Variants in LDLRAD4 observed in about 807,000 individuals in gnomAD.
LDLRAD4 encodes the protein low-density lipoprotein receptor class A domain-containing protein 4.
Under a neutral mutation model 17.0 loss-of-function variants are expected in LDLRAD4, and 5 were observed. The observed-to-expected ratio is 0.29, with a 90% confidence interval of 0.15 to 0.62. LDLRAD4 has a LOEUF of 0.62. Among genes scored for constraint, LDLRAD4 ranks in the 20% least tolerant of loss-of-function variants. LDLRAD4 has a pLI of 0.84. For synonymous variants in LDLRAD4, 168 were observed against 171.8 expected (o/e 0.98, Z 0.17); for missense variants, 340 against 424.7 (o/e 0.80, Z 1.75).
Position 13,398,270 on chromosome 18 carries a change from T to C in LDLRAD4, c.40+10508T>C, listed in dbSNP as rs917126227. Among the ~76,000 whole-genome samples the C allele has an allele frequency of 4.6e-5, 7 of 152,274 alleles. No homozygotes were observed. Among genetic ancestry groups the C allele is most frequent in the African/African-American group, 1.4e-4 (6 of 41,554 alleles). On this transcript the variant is annotated intron_variant, in intron 2 of 5. Transcript: ENST00000359446. The surrounding 1 kb of genome is among the most constrained non-coding windows in gnomAD (Gnocchi z 4.8). ...GTTGGAAAATACAAACTTTTCCATG[T>C]GTACCTTAGATAACCTCACTGGCGT...
At position 13,390,068 on chromosome 18, in the gene LDLRAD4, G is replaced by C. The variant is rs142626292; in HGVS notation, c.40+2306G>C. On this transcript the variant is annotated intron_variant, in intron 2 of 5. Transcript: ENST00000359446. The stretch of plus-strand genomic sequence containing the variant: ...TGTTTTGATACATGTATGTGTTGTA[G>C]AGTGAACAGGTCAGGCTAATGGGCT... Among the ~76,000 whole-genome samples the C allele has an allele frequency of 5.2e-3, 790 of 152,258 alleles. 11 individuals are homozygous for C. Among genetic ancestry groups the C allele is most frequent in the African/African-American group, 0.018 (761 of 41,512 alleles).
intron 3 of LDLRAD4, among the ~76,000 whole-genome samples, chr18:13,590,081 A>G (rs1284197871): frequency 1.4e-5 from 2 of 146,244 alleles, no homozygotes; most frequent in Non-Finnish European, 1.5e-5. Flanking sequence ...GTGGGTGTGC[A>G]TGTGTGGGTG....
At chr18:13,497,492 T>G (rs1568255716) in intron 3 of LDLRAD4, among the ~76,000 whole-genome samples, 1 of 152,024 alleles carries the variant, frequency 6.6e-6, no homozygotes, top group Non-Finnish European at 1.5e-5. Flanking sequence ...GGGTGGCTCT[T>G]GTAGTGTTTT....
intron 1 of LDLRAD4, among the ~76,000 whole-genome samples, chr18:13,328,312 G>A (rs1415045527): frequency 6.6e-6 from 1 of 152,202 alleles, no homozygotes; most frequent in African/African-American, 2.4e-5. Flanking sequence ...AGACAGAGAG[G>A]CATGAAGCTC....
chr18:13,307,083 AT>A (rs1168608175), intron 1 of LDLRAD4, among the ~76,000 whole-genome samples: 1 of 152,256 alleles, frequency 6.6e-6, no homozygotes, highest in Non-Finnish European at 1.5e-5. Flanking sequence ...GAATCCGTCT[AT>A]GAAGTGGGCA....
intron 1 of LDLRAD4, among the ~76,000 whole-genome samples, chr18:13,253,756 G>A (rs1273512045): frequency 6.6e-6 from 1 of 152,214 alleles, no homozygotes; most frequent in African/African-American, 2.4e-5. Flanking sequence ...ATTAAGCTTA[G>A]GTTCTGGGTA....
chr18:13,591,123 A>G (rs1601590138), intron 3 of LDLRAD4, among the ~76,000 whole-genome samples: 1 of 152,316 alleles, frequency 6.6e-6, no homozygotes, highest in East Asian at 1.9e-4. Flanking sequence ...ACAGAGCCCA[A>G]ATCTTGTGCT....
chr18:13,520,998 G>A (rs2147651674), intron 3 of LDLRAD4: 1 of 152,354 alleles, frequency 6.6e-6, no homozygotes, highest in East Asian at 1.9e-4. Flanking sequence ...TCTTCCTGAA[G>A]ACTCGCCATT....
chr18:13,341,095 A>T (rs2082349336), intron 1 of LDLRAD4, among the ~76,000 whole-genome samples: 1 of 152,030 alleles, frequency 6.6e-6, no homozygotes, highest in African/African-American at 2.4e-5. Flanking sequence ...GTCTGTCTTT[A>T]TGCCAGTATC....
intron 3 of LDLRAD4, among the ~76,000 whole-genome samples, chr18:13,549,327 G>A (rs1568327692): frequency 6.6e-6 from 1 of 152,126 alleles, no homozygotes; most frequent in African/African-American, 2.4e-5. Context: ...AATGAAAACA[G>A]CTGTCTTCAT....
At chr18:13,506,914 C>T (rs746682085) in intron 3 of LDLRAD4, among the ~76,000 whole-genome samples, 1 of 152,202 alleles carries the variant, frequency 6.6e-6, no homozygotes, top group Non-Finnish European at 1.5e-5. Flanking sequence ...TCTGCAGTTT[C>T]GGCGCTGACA....
chr18:13,563,272 T>C (rs1442203765), intron 3 of LDLRAD4, among the ~76,000 whole-genome samples: 1 of 152,120 alleles, frequency 6.6e-6, no homozygotes, highest in Non-Finnish European at 1.5e-5. Flanking sequence ...CCATAGAGCG[T>C]TTTTTAGGCT....
intron 1 of LDLRAD4, among the ~76,000 whole-genome samples, chr18:13,368,592 C>T (rs1268977518): frequency 2.6e-5 from 4 of 152,184 alleles, no homozygotes; most frequent in Non-Finnish European, 5.9e-5. Flanking sequence ...GGTGAGCCTG[C>T]TGTGTGTCGG....
intron 4 of LDLRAD4, among the ~76,000 whole-genome samples, chr18:13,630,089 C>G (rs1473687272): frequency 6.6e-6 from 1 of 151,908 alleles, no homozygotes. Context: ...AACCCCAGCA[C>G]CAAGCTGGGA....
chr18:13,590,826 T>A (rs1178097303), intron 3 of LDLRAD4, among the ~76,000 whole-genome samples: 3 of 152,202 alleles, frequency 2.0e-5, no homozygotes, highest in African/African-American at 7.2e-5. Context: ...GCATCTTATG[T>A]GCAAAAGTAA....
At chr18:13,600,774 C>T (rs1243727829) in intron 3 of LDLRAD4, among the ~76,000 whole-genome samples, 1 of 152,124 alleles carries the variant, frequency 6.6e-6, no homozygotes, top group African/African-American at 2.4e-5. Context: ...GCAGTATTAC[C>T]ATTTCTAAGC....
chr18:13,440,043 C>A lies in LDLRAD4; in HGVS notation c.181+1659C>A, dbSNP rs764571554. 6.6e-6 allele frequency among the ~76,000 whole-genome samples: 1 copy of A among 152,182 alleles called. No homozygotes were observed. Among genetic ancestry groups the A allele is most frequent in the South Asian group, 2.1e-4 (1 of 4,828 alleles). On this transcript the variant is annotated intron_variant, in intron 3 of 5. Coordinates refer to ENST00000359446, the Ensembl canonical transcript of LDLRAD4. This position sits in a 1 kb window ranked among gnomAD's most constrained non-coding sequence, Gnocchi z 4.4. ...GGTCTTAGAAGGAGGTGAGTACAAG[C>A]AGCATCTTACTCTGTTTTCTCTGGA...
At position 13,447,235 on chromosome 18, in the gene LDLRAD4, C is replaced by T. The variant is rs1174203710; in HGVS notation, c.181+8851C>T. On this transcript the variant is annotated intron_variant, in intron 3 of 5. Coordinates refer to ENST00000359446, the Ensembl canonical transcript of LDLRAD4. ...AAGATGTGGAGGGCAATATGCCTCT[C>T]TCTGGGTTCGCCACGGGATCAAGTT... Among the ~76,000 whole-genome samples the T allele has an allele frequency of 3.3e-5, 5 of 151,358 alleles. No homozygotes were observed. The Admixed American group carries it at 3.3e-4, about 10-fold the overall frequency.
At chr18:13,556,478 C>T (rs909425520) in intron 3 of LDLRAD4, among the ~76,000 whole-genome samples, 1 of 152,154 alleles carries the variant, frequency 6.6e-6, no homozygotes, top group African/African-American at 2.4e-5. Context: ...GAGAGTGAGG[C>T]TTGGTGCTTG....
Sources: gnomAD v4.1 joint callset for allele counts (sites outside exome capture counted in the v4.1 genomes callset) on GRCh38, gnomAD v4.1.1 for gene constraint, Gnocchi (gnomAD v3.1) non-coding constraint, MANE v1.5 for transcripts, NCBI Gene and HGNC (gene_info 2026-07-23, HGNC 2026-07-21) for gene names.